Variants in MYO3B observed in about 807,000 individuals in gnomAD.
MYO3B encodes myosin IIIB.
A neutral mutation model predicts 174.6 loss-of-function variants in MYO3B; 156 were observed. The ratio of observed to expected loss-of-function variants is 0.89; its 90% confidence interval spans 0.78 to 1.02. The LOEUF is 1.02. Among genes scored for constraint, MYO3B ranks in the 50% least tolerant of loss-of-function variants. MYO3B has a pLI of 0.00. For missense variants in MYO3B, 1,632 were observed against 1,639.4 expected, an observed-to-expected ratio of 1.00 and a Z score of 0.08; for synonymous variants, 563 against 569.1, an observed-to-expected ratio of 0.99 and a Z score of 0.15.
At chr2:170,266,960 A>G (rs1357802509) in intron 7 of MYO3B, among the ~76,000 whole-genome samples, 1 of 152,236 alleles carries the variant, frequency 6.6e-6, no homozygotes, top group Admixed American at 6.5e-5. Flanking sequence ...GAATACATAA[A>G]TAAGCCAAAT....
At chr2:170,516,949 T>G (rs1688351483) in intron 29 of MYO3B, among the ~76,000 whole-genome samples, 1 of 152,202 alleles carries the variant, frequency 6.6e-6, no homozygotes. Context: ...AGTCACCTTC[T>G]CTCTCTTTTT....
chr2:170,382,357 T>C (rs2094342245), intron 10 of MYO3B: 1 of 342,916 alleles, frequency 2.9e-6, no homozygotes, highest in East Asian at 4.2e-5. Flanking sequence ...CTCTTTATAT[T>C]GTAGCCTTAA....
At chr2:170,402,052 C>T (rs1574921810) in intron 18 of MYO3B, among the ~76,000 whole-genome samples, 1 of 152,156 alleles carries the variant, frequency 6.6e-6, no homozygotes, top group South Asian at 2.1e-4. Flanking sequence ...ACTGAAGGAG[C>T]CACTAAGTGT....
intron 32 of MYO3B, among the ~76,000 whole-genome samples, chr2:170,589,546 A>G (rs1693695452): frequency 6.6e-6 from 1 of 152,178 alleles, no homozygotes. Context: ...GTTTTTAACA[A>G]AAAAAAGTTT....
At chr2:170,180,910 CA>C (rs1219970690) in intron 1 of MYO3B, among the ~76,000 whole-genome samples, 1 of 152,148 alleles carries the variant, frequency 6.6e-6, no homozygotes, top group Non-Finnish European at 1.5e-5. Context: ...GTATATTTGG[CA>C]TTCTTTCCAT....
At chr2:170,488,275 T>C (rs1354129259) in intron 25 of MYO3B, among the ~76,000 whole-genome samples, 1 of 151,448 alleles carries the variant, frequency 6.6e-6, no homozygotes, top group Non-Finnish European at 1.5e-5. Context: ...GTAGCAGTGG[T>C]TTTATTTATT....
At chr2:170,459,197 G>A (rs904795637) in intron 23 of MYO3B, among the ~76,000 whole-genome samples, 4 of 152,194 alleles carry the variant, frequency 2.6e-5, no homozygotes, top group African/African-American at 9.7e-5. Context: ...ACCCCAGCGG[G>A]TTGCCACTGC....
intron 32 of MYO3B, among the ~76,000 whole-genome samples, chr2:170,621,339 T>C (rs1017081675): frequency 6.6e-5 from 10 of 152,276 alleles, no homozygotes; most frequent in Middle Eastern, 3.4e-3. Context: ...ATCTGGTACA[T>C]AGTAAGGGCT....
intron 7 of MYO3B, chr2:170,334,518 C>T (rs1034984105): frequency 1.3e-5 from 2 of 152,148 alleles, no homozygotes; most frequent in Admixed American, 1.3e-4. Flanking sequence ...AAATTTACAG[C>T]CATAATTCAT....
At chr2:170,250,715 A>C (rs2093242720) in intron 7 of MYO3B, among the ~76,000 whole-genome samples, 1 of 152,110 alleles carries the variant, frequency 6.6e-6, no homozygotes, top group Admixed American at 6.6e-5. Flanking sequence ...TCACACACAG[A>C]CTTGAAAAAT....
intron 25 of MYO3B, among the ~76,000 whole-genome samples, chr2:170,475,546 C>T (rs1305957019): frequency 6.6e-6 from 1 of 152,174 alleles, no homozygotes; most frequent in Non-Finnish European, 1.5e-5. Flanking sequence ...TGAGCCACCA[C>T]GTCCAGCTTA....
intron 8 of MYO3B, among the ~76,000 whole-genome samples, chr2:170,363,524 G>A (rs1307446510): frequency 4.6e-5 from 7 of 152,122 alleles, no homozygotes; most frequent in Non-Finnish European, 8.8e-5. Context: ...TTGAGAGCCC[G>A]ACCTTGTTTC....
chr2:170,248,892 A>G (rs1376989816), intron 7 of MYO3B, among the ~76,000 whole-genome samples: 1 of 152,232 alleles, frequency 6.6e-6, no homozygotes, highest in Non-Finnish European at 1.5e-5. Context: ...TATTCTGCTT[A>G]CAATGCCTCC....
intron 23 of MYO3B, among the ~76,000 whole-genome samples, chr2:170,450,082 A>T (rs1683501838): frequency 6.6e-6 from 1 of 152,360 alleles, no homozygotes; most frequent in Non-Finnish European, 1.5e-5. Context: ...CTTCTGTGGC[A>T]CACAACAATT....
In MYO3B at chr2:170,351,926, A is replaced by G. The variant is rs960785776; in HGVS notation, c.815+16476A>G. Among the ~76,000 whole-genome samples, 6 of 152,154 alleles carry G rather than the reference A, an allele frequency of 3.9e-5. No individual in the cohort carries two copies. In the South Asian group the frequency reaches 1.2e-3, roughly 32 times the overall value. On this transcript the variant is annotated intron_variant, in intron 8 of 34. Transcript: ENST00000408978. ...ACAGCATCCAGTGTGTGATTTAGGC[A>G]TGCACAAGTTGTTTTTCTTTGTTTG...
At chr2:170,423,140 C>A (rs2094631299) in intron 22 of MYO3B, among the ~76,000 whole-genome samples, 1 of 151,886 alleles carries the variant, frequency 6.6e-6, no homozygotes, top group African/African-American at 2.4e-5. Context: ...CACCACCACA[C>A]CCAGCTAATT....
At chr2:170,616,000 A>C (rs1278922411) in intron 32 of MYO3B, among the ~76,000 whole-genome samples, 1 of 152,064 alleles carries the variant, frequency 6.6e-6, no homozygotes, top group Admixed American at 6.6e-5. Context: ...ATAAGAATTT[A>C]CAATATAGTG....
chr2:170,471,586 T>C (rs1684980039), intron 25 of MYO3B, among the ~76,000 whole-genome samples: 1 of 152,190 alleles, frequency 6.6e-6, no homozygotes, highest in African/African-American at 2.4e-5. Flanking sequence ...TGGTGTAAGG[T>C]AGAAGTCTAA....
chr2:170,405,090 G>A (rs766022513), intron 20 of MYO3B, among the ~76,000 whole-genome samples: 4 of 152,198 alleles, frequency 2.6e-5, no homozygotes, highest in Non-Finnish European at 5.9e-5. Context: ...AGCAAAGATC[G>A]TGTGTTAAAG....
Sources: gnomAD v4.1 joint callset for allele counts (sites outside exome capture counted in the v4.1 genomes callset) on GRCh38, gnomAD v4.1.1 for gene constraint, MANE v1.5 for transcripts, NCBI Gene and HGNC (gene_info 2026-07-23, HGNC 2026-07-21) for gene names.